The following MAST4 variants were observed in gnomAD, a reference collection of about 807,000 sequenced individuals.
The protein encoded by MAST4 is microtubule-associated serine/threonine-protein kinase 4.
MAST4 carries 89 observed loss-of-function variants against 162.7 expected under a neutral mutation model. The ratio of observed to expected loss-of-function variants is 0.55; its 90% CI spans 0.46 to 0.65. The LOEUF is 0.65. Among genes scored for constraint, MAST4 ranks in the 30% least tolerant of loss-of-function variants. The probability of loss-of-function intolerance (pLI) is 0.00; values close to 1 mark genes in which losing one functional copy is unlikely to be tolerated. For missense variants in MAST4, 3,153 were observed against 3,374.0 expected, an observed-to-expected ratio of 0.93 and a Z score of 1.62; for synonymous variants, 1,479 against 1,361.1, an observed-to-expected ratio of 1.09 and a Z score of -1.91.
chr5:66,682,067 C>T (rs1748366849), intron 1 of MAST4, among the ~76,000 whole-genome samples: 1 of 152,184 alleles, frequency 6.6e-6, no homozygotes, highest in Admixed American at 6.5e-5. Context: ...CTTTATTTCA[C>T]ATCATAAACA....
intron 24 of MAST4, among the ~76,000 whole-genome samples, chr5:67,151,767 C>CTTTTTTTTTTTTT (rs1163541260): frequency 6.9e-5 from 8 of 115,652 alleles, no homozygotes; most frequent in Non-Finnish European, 1.3e-4. Context: ...TTCTTTTTTT[C>CTTTTTTTTTTTTT]TTTTTTTTTT....
chr5:67,082,916 A>G (rs544058689), intron 5 of MAST4, among the ~76,000 whole-genome samples: 27 of 152,336 alleles, frequency 1.8e-4, no homozygotes, highest in African/African-American at 6.5e-4. Context: ...ATATTAAAAT[A>G]AAAAGTCACC....
At chr5:66,621,549 ATATT>A (rs1218338211) in intron 1 of MAST4, among the ~76,000 whole-genome samples, 1 of 152,192 alleles carries the variant, frequency 6.6e-6, no homozygotes, top group African/African-American at 2.4e-5. Context: ...AGAGTATTCT[ATATT>A]TATTTATTAC....
chr5:66,867,247 T>C (rs1333806167), intron 3 of MAST4, among the ~76,000 whole-genome samples: 1 of 152,232 alleles, frequency 6.6e-6, no homozygotes, highest in Non-Finnish European at 1.5e-5. Flanking sequence ...CCTTTTGATA[T>C]ACAATAACTT....
At chr5:66,684,012 T>C (rs888052528) in intron 1 of MAST4, among the ~76,000 whole-genome samples, 1 of 152,188 alleles carries the variant, frequency 6.6e-6, no homozygotes, top group Non-Finnish European at 1.5e-5. Context: ...GAGTCGTGTG[T>C]TTTTCACTGT....
At chr5:67,140,439 T>C (rs1770231797) in intron 19 of MAST4, among the ~76,000 whole-genome samples, 1 of 152,244 alleles carries the variant, frequency 6.6e-6, no homozygotes, top group Admixed American at 6.5e-5. Context: ...AGAGGTGCTA[T>C]AGAACAGCCA....
intron 1 of MAST4, among the ~76,000 whole-genome samples, chr5:66,704,155 T>G (rs1181638183): frequency 1.3e-5 from 2 of 152,220 alleles, no homozygotes; most frequent in Non-Finnish European, 1.5e-5. Context: ...TATCTCATTT[T>G]ATTATACCAC....
chr5:66,926,018 G>A (rs139213353), intron 4 of MAST4, among the ~76,000 whole-genome samples: 4 of 151,920 alleles, frequency 2.6e-5, no homozygotes, highest in Admixed American at 6.6e-5. Flanking sequence ...TGTTTGACCA[G>A]TCTTCTATAT....
chr5:66,754,668 A>C (rs1254862026), intron 1 of MAST4, among the ~76,000 whole-genome samples: 1 of 152,202 alleles, frequency 6.6e-6, no homozygotes. Flanking sequence ...AGTGGACAAA[A>C]CAATATAGTG....
chr5:67,108,574 C>T (rs1392314674), intron 10 of MAST4, among the ~76,000 whole-genome samples: 6 of 152,052 alleles, frequency 3.9e-5, no homozygotes, highest in Non-Finnish European at 5.9e-5. Flanking sequence ...TAGGACCTGT[C>T]GTTATAGTTA....
intron 4 of MAST4, among the ~76,000 whole-genome samples, chr5:67,025,493 A>G (rs1264049559): frequency 1.3e-5 from 2 of 152,188 alleles, no homozygotes; most frequent in Admixed American, 6.6e-5. Flanking sequence ...AGTTCTATTC[A>G]TAGACATCTT....
At chr5:66,645,178 C>CT (rs1478215543) in intron 1 of MAST4, among the ~76,000 whole-genome samples, 1 of 152,138 alleles carries the variant, frequency 6.6e-6, no homozygotes, top group Non-Finnish European at 1.5e-5. Context: ...AAACCAAACT[C>CT]TTTCATTTTG....
chr5:66,825,921 A>T (rs753379300), intron 3 of MAST4, among the ~76,000 whole-genome samples: 1 of 152,246 alleles, frequency 6.6e-6, no homozygotes, highest in Admixed American at 6.5e-5. Context: ...CCATGGAGGT[A>T]TAAAATCACA....
At chr5:66,600,238 CTTTTG>C (rs1742467382) in intron 1 of MAST4, among the ~76,000 whole-genome samples, 1 of 152,140 alleles carries the variant, frequency 6.6e-6, no homozygotes, top group Non-Finnish European at 1.5e-5. Context: ...TACAGCATGA[CTTTTG>C]TTTAAGGAAA....
chr5:66,940,747 T>G (rs1743269701), intron 4 of MAST4, among the ~76,000 whole-genome samples: 1 of 152,206 alleles, frequency 6.6e-6, no homozygotes. Context: ...TTTAGGTTGC[T>G]ATTTTGACCT....
chr5:66,999,348 G>A (rs1429805241), intron 4 of MAST4, among the ~76,000 whole-genome samples: 1 of 152,192 alleles, frequency 6.6e-6, no homozygotes, highest in Non-Finnish European at 1.5e-5. Context: ...AGTCCTATGG[G>A]CTGTGTGCCA....
At chr5:67,004,346 ACCCTGGAAGGGTC>A (rs1278621657) in intron 4 of MAST4, among the ~76,000 whole-genome samples, 1 of 152,146 alleles carries the variant, frequency 6.6e-6, no homozygotes, top group East Asian at 1.9e-4. Flanking sequence ...TCCCAGCCGG[ACCCTGGAAGGGTC>A]CACAAAGGTG....
chr5:66,662,218 T>C (rs544795394), intron 1 of MAST4: 2 of 152,238 alleles, frequency 1.3e-5, no homozygotes, highest in Non-Finnish European at 2.9e-5. Flanking sequence ...TAATTGGGGC[T>C]ATTTAAAAAA....
chr5:66,599,239 A>G (rs1209486428), intron 1 of MAST4, among the ~76,000 whole-genome samples: 1 of 152,142 alleles, frequency 6.6e-6, no homozygotes, highest in Non-Finnish European at 1.5e-5. Context: ...TGGTGATGGT[A>G]TGGGGCAGGG....
Sources: gnomAD v4.1 joint callset for allele counts (sites outside exome capture counted in the v4.1 genomes callset) on GRCh38, gnomAD v4.1.1 for gene constraint, MANE v1.5 for transcripts, NCBI Gene and HGNC (gene_info 2026-07-23, HGNC 2026-07-21) for gene names.